Variants in ANKRD24 observed in about 807,000 individuals in gnomAD.
ANKRD24 encodes the protein ankyrin repeat domain 24, also known as ankyrin repeat domain-containing protein 24.
In ANKRD24, 109 loss-of-function variants were observed where a neutral mutation model predicts 127.8. That is an observed-to-expected ratio of 0.85 (90% CI 0.73 to 1.00). The LOEUF (loss-of-function observed/expected upper bound fraction) is 1.00, where lower values mean the gene tolerates loss of function less well. Ranked by LOEUF, ANKRD24 falls within the 50% of genes least tolerant of loss-of-function variation. The pLI, the probability that ANKRD24 is intolerant of heterozygous loss-of-function variation, is 0.00. For missense variants in ANKRD24, 1,648 were observed against 1,570.2 expected, an observed-to-expected ratio of 1.05 and a Z score of -0.84; for synonymous variants, 743 against 671.1, an observed-to-expected ratio of 1.11 and a Z score of -1.66.
chr19:4,219,519 C>G lies in ANKRD24; in HGVS notation c.3004-72C>G. On this transcript the variant is annotated intron_variant, in intron 18 of 21. Transcript: ENST00000318934. ...AAACAAAAGAACAAAGTAGAAGGAT[C>G]ATATGAATTCTGGGGTCTAGCATCA... is the stretch of plus-strand genomic sequence containing the variant. The G allele has an allele frequency of 2.0e-6, 3 of 1,490,134 alleles. No individual in the cohort carries two copies. In the South Asian group the frequency reaches 3.9e-5, roughly 20 times the overall value. The allele number at this position is 1,490,134 out of a possible 1,614,324, so 92.3% of individuals were successfully genotyped here. A position where few individuals can be genotyped will look rare whatever the true frequency, so the allele number is the denominator to read the frequency against.
chr19:4,221,381 T>TTTTG lies in ANKRD24; in HGVS notation c.3172-1264_3172-1261dup, dbSNP rs79520023. ...CCGTGCCTGGCCTGTTTTTTTTTGCTTTTGTTTGTTTGTTTGTTTGTTTGT... is the reference window on the plus strand; with the variant it reads ...CCGTGCCTGGCCTGTTTTTTTTTGCTTTTGTTTGTTTGTTTGTTTGTTTGTTTGT... On this transcript the variant is annotated intron_variant, in intron 19 of 21. Transcript: ENST00000318934. 1.2e-3 allele frequency among the ~76,000 whole-genome samples: 177 copies of TTTTG among 151,536 alleles called. 1 individual carries two copies. The highest frequency in any genetic ancestry group is 5.2e-3 in the South Asian group (25 of 4,804).
At chr19:4,215,224 G>A (rs1969988530) in intron 15 of ANKRD24, among the ~76,000 whole-genome samples, 2 of 152,178 alleles carry the variant, frequency 1.3e-5, no homozygotes, top group South Asian at 2.1e-4. Context: ...GGTGGCTCAC[G>A]CCTGTAATCC....
Position 4,216,070 on chromosome 19 carries a change from C to A in ANKRD24, c.1270+20C>A, listed in dbSNP as rs529566287. The A allele has an allele frequency of 1.3e-6, 2 of 1,577,954 alleles. No individual in the cohort carries two copies. Among genetic ancestry groups the A allele is most frequent in the East Asian group, 2.3e-5 (1 of 42,644 alleles). ...TTCCAGGTGAGCCCCCACCTCCCCACGCACTCCCAGCCGCCTTGTCCCCTG... is the reference window on the plus strand; with the variant it reads ...TTCCAGGTGAGCCCCCACCTCCCCAAGCACTCCCAGCCGCCTTGTCCCCTG... On this transcript the variant is annotated intron_variant, in intron 16 of 21. Transcript: ENST00000318934.
At chr19:4,218,578 G>C (rs1479669223) in intron 18 of ANKRD24, among the ~76,000 whole-genome samples, 1 of 152,030 alleles carries the variant, frequency 6.6e-6, no homozygotes, top group Non-Finnish European at 1.5e-5. Flanking sequence ...GGGATTATGG[G>C]CATCAGCCTC....
intron 5 of ANKRD24, among the ~76,000 whole-genome samples, chr19:4,201,565 G>A (rs1446497451): frequency 6.6e-6 from 1 of 152,044 alleles, no homozygotes; most frequent in Non-Finnish European, 1.5e-5. Flanking sequence ...GAGTCTCTGG[G>A]TACAGGGAAT....
At chr19:4,187,145 G>A (rs1265265770) in intron 2 of ANKRD24, among the ~76,000 whole-genome samples, 1 of 151,790 alleles carries the variant, frequency 6.6e-6, no homozygotes, top group Non-Finnish European at 1.5e-5. Context: ...GGGCGTGGTG[G>A]CTCACACCTG....
At chr19:4,202,987 A>G in intron 7 of ANKRD24, 61 bp downstream of exon 7, 4 of 1,436,288 alleles carry the variant, frequency 2.8e-6, no homozygotes, top group Non-Finnish European at 3.7e-6. Flanking sequence ...CTTGGGGGTT[A>G]TTCTGCCCAG....
intron 11 of ANKRD24, 146 bp downstream of exon 11, chr19:4,208,947 C>A: frequency 3.7e-6 from 3 of 810,950 alleles, no homozygotes; most frequent in Non-Finnish European, 5.8e-6. Flanking sequence ...ATGCTGCCAC[C>A]AAGTGGCGGC....
Position 4,195,824 on chromosome 19 carries a change from G to A in ANKRD24, c.37-3859G>A, listed in dbSNP as rs146375136. Among the ~76,000 whole-genome samples the A allele has an allele frequency of 1.2e-4, 18 of 152,316 alleles. No individual in the cohort carries two copies. In the East Asian group the frequency reaches 3.5e-3, roughly 29 times the overall value. On this transcript the variant is annotated intron_variant, in intron 2 of 21. Transcript: ENST00000318934. The surrounding 1 kb of genome is among the most constrained non-coding windows in gnomAD (Gnocchi z 4.2). ...CAGGAGAATTGCTTGAACCCGGGAG[G>A]CAGAGCTTGCAGTGAGCCGAGATCG...
chr19:4,206,512 C>A (rs116143062), intron 7 of ANKRD24, among the ~76,000 whole-genome samples: 1,612 of 151,822 alleles, frequency 0.011, 28 homozygotes, highest in African/African-American at 0.037. Flanking sequence ...GTTGCACATG[C>A]CTTGTAGTGT....
At chr19:4,186,961 C>G (rs1968100271) in intron 2 of ANKRD24, among the ~76,000 whole-genome samples, 1 of 152,064 alleles carries the variant, frequency 6.6e-6, no homozygotes, top group African/African-American at 2.4e-5. Flanking sequence ...GAACACGAAA[C>G]AAGATAAATA....
chr19:4,209,806 A>G (rs915007396), intron 11 of ANKRD24, among the ~76,000 whole-genome samples: 26 of 152,202 alleles, frequency 1.7e-4, no homozygotes, highest in African/African-American at 6.3e-4. Flanking sequence ...CGTGTGGGCA[A>G]TGTGGTCTAG....
rs544698721 is a variant in ANKRD24 at position 4,186,667 on chromosome 19, T to C, written c.36+206T>C. ...TACCCAGGCCCTAGTCCGCTCTCCATGGAATTCCTTCTCGCCGCATTGCCA... is the reference window on the plus strand; with the variant it reads ...TACCCAGGCCCTAGTCCGCTCTCCACGGAATTCCTTCTCGCCGCATTGCCA... On this transcript the variant is annotated intron_variant, in intron 2 of 21. Transcript: ENST00000318934. Among the ~76,000 whole-genome samples, 17 of 152,230 alleles carry C rather than the reference T, an allele frequency of 1.1e-4. No homozygotes were observed. The East Asian group carries it at 3.3e-3, about 29-fold the overall frequency.
Position 4,224,580 on chromosome 19 carries a change from C to CGGCTTCACTT in ANKRD24, c.*89_*98dup, listed in dbSNP as rs1298307681. ...ACCCCCCTGCAGGCCCCTTGCAGAC[C>CGGCTTCACTT]GGCTTCACTTGGCTTCACTTGGCCC... On this transcript the variant is annotated 3_prime_UTR_variant, in exon 22 of 22. Transcript: ENST00000318934. 2.6e-5 allele frequency: 37 copies of CGGCTTCACTT among 1,409,796 alleles called. No homozygotes were observed. The highest frequency in any genetic ancestry group is 2.0e-4 in the East Asian group (8 of 40,302). 87.3% of individuals were successfully genotyped at this position (1,409,796 alleles called of 1,614,324 possible).
At position 4,210,306 on chromosome 19, in the gene ANKRD24, G is replaced by T; in HGVS notation, c.993G>T (p.Gln331His). 6.3e-7 allele frequency: 1 copy of T among 1,587,480 alleles called. No individual in the cohort carries two copies. Among genetic ancestry groups the T allele is most frequent in the East Asian group, 2.3e-5 (1 of 43,596 alleles). Residue 331 changes from glutamine (Q) to histidine (H), a missense_variant, in exon 13 of 22, where the codon CAG becomes CAT. Coordinates refer to ENST00000318934, the MANE Select transcript of ANKRD24 (RefSeq NM_001393985.1). Reference protein sequence around the residue: ...DAYEEIVRLRQERGRLLQKIR... With the variant: ...DAYEEIVRLRHERGRLLQKIR... Reference sequence around the variant, plus strand: ...ATGAGGAGATCGTGAGGCTGCGGCAGGAGAGGGGCCGCCTCCTGCAGAAGA... The same window carrying T: ...ATGAGGAGATCGTGAGGCTGCGGCATGAGAGGGGCCGCCTCCTGCAGAAGA...
intron 21 of ANKRD24, 91 bp downstream of exon 21, chr19:4,224,283 C>A: frequency 6.9e-7 from 1 of 1,439,606 alleles, no homozygotes; most frequent in Non-Finnish European, 9.5e-7. Context: ...CAGTGGGAGG[C>A]TGGTCTGGGG....
In ANKRD24 at chr19:4,217,429, G is replaced by A. The variant is rs911648184; in HGVS notation, c.2269G>A (p.Ala757Thr). 1.0e-5 allele frequency: 16 copies of A among 1,542,136 alleles called. No homozygotes were observed. Among genetic ancestry groups the A allele is most frequent in the South Asian group, 3.6e-5 (3 of 83,358 alleles). ...GGCGGCCCTGGGGAAGTGCGAGGCC[G>A]CGGAGGCCGAGGCAGGCCGGCTGCG... ...LEAALGKCEAAEAEAGRLRER... is the reference protein window; with the variant it reads ...LEAALGKCEATEAEAGRLRER... Residue 757 changes from alanine (A) to threonine (T), a missense_variant, in exon 18 of 22, where the codon GCG (alanine) becomes ACG (threonine). Coordinates refer to ENST00000318934, the MANE Select transcript of ANKRD24 (RefSeq NM_001393985.1).
At position 4,198,068 on chromosome 19, in the gene ANKRD24, G is replaced by T; in HGVS notation, c.37-1615G>T. ...GAGGTGCGAGGCTGCGGACGTCGCG[G>T]GCCCGGAGGCACCTGCGCGCCCTTG... On this transcript the variant is annotated intron_variant, in intron 2 of 21. Coordinates refer to ENST00000318934, the MANE Select transcript of ANKRD24 (RefSeq NM_001393985.1). The surrounding 1 kb of genome is among the most constrained non-coding windows in gnomAD (Gnocchi z 6.1). 2.4e-6 allele frequency: 1 copy of T among 420,818 alleles called. No homozygotes were observed. The highest frequency in any genetic ancestry group is 4.2e-6 in the Non-Finnish European group (1 of 237,044). 26.1% of individuals were successfully genotyped at this position (420,818 alleles called of 1,614,324 possible).
chr19:4,222,743 C>G lies in ANKRD24; in HGVS notation c.3245C>G (p.Pro1082Arg). ...LKEQPAALAT[P>R]EVEALRDQVK... Reference sequence around the variant, plus strand: ...GAGCAGCCGGCCGCCCTCGCCACCCCTGAGGTGGAGGCTCTCCGTGACCAG... The same window carrying G: ...GAGCAGCCGGCCGCCCTCGCCACCCGTGAGGTGGAGGCTCTCCGTGACCAG... Residue 1082 changes from proline (P) to arginine (R), a missense_variant, in exon 20 of 22, where the codon CCT (proline) becomes CGT (arginine). Transcript: ENST00000318934. The G allele has an allele frequency of 6.2e-7, 1 of 1,612,006 alleles. No homozygotes were observed. Among genetic ancestry groups the G allele is most frequent in the Non-Finnish European group, 8.5e-7 (1 of 1,178,794 alleles).
Sources: gnomAD v4.1 joint callset for allele counts (sites outside exome capture counted in the v4.1 genomes callset) on GRCh38, gnomAD v4.1.1 for gene constraint, Gnocchi (gnomAD v3.1) non-coding constraint, MANE v1.5 for transcripts, NCBI Gene and HGNC (gene_info 2026-07-23, HGNC 2026-07-21) for gene names.